The following RBMS3 variants were observed in gnomAD, a reference collection of about 807,000 sequenced individuals.
RBMS3 encodes the protein RNA binding motif single stranded interacting protein 3.
A neutral mutation model predicts 66.8 loss-of-function variants in RBMS3; 27 were observed. The ratio of observed to expected loss-of-function variants is 0.40; its 90% CI spans 0.30 to 0.56. The LOEUF (loss-of-function observed/expected upper bound fraction) is 0.56. RBMS3 is among the 20% of genes least tolerant of loss of function. RBMS3 has a pLI of 0.40. For missense variants in RBMS3, 513 were observed against 549.5 expected (o/e 0.93, Z 0.66); for synonymous variants, 188 against 183.0 (o/e 1.03, Z -0.22).
At chr3:29,425,657 A>G (rs1272881771) in intron 1 of RBMS3, among the ~76,000 whole-genome samples, 1 of 152,128 alleles carries the variant, frequency 6.6e-6, no homozygotes, top group Non-Finnish European at 1.5e-5. Context: ...AAAAATAAAT[A>G]AAAAATAGAG....
intron 3 of RBMS3, among the ~76,000 whole-genome samples, chr3:29,561,417 C>A (rs1576230889): frequency 6.6e-6 from 1 of 150,458 alleles, no homozygotes; most frequent in African/African-American, 2.5e-5. Flanking sequence ...CACAACCTTG[C>A]CAGCATCTGT....
rs746973682 is a variant in RBMS3, at chr3:29,780,629, CA to C, written c.637+17645del. 7.9e-5 allele frequency among the ~76,000 whole-genome samples: 12 copies of C among 152,090 alleles called. No individual in the cohort carries two copies. The East Asian group carries it at 1.9e-3, about 25-fold the overall frequency. On this transcript the variant is annotated intron_variant, in intron 6 of 14. Transcript: ENST00000383767. ...TAACTATCTAAATTGAATATTTTCC[CA>C]AAAACCAGTATCCTATCTGCACTTA...
At chr3:29,365,981 C>T (rs553215596) in intron 1 of RBMS3, among the ~76,000 whole-genome samples, 105 of 152,174 alleles carry the variant, frequency 6.9e-4, no homozygotes, top group African/African-American at 2.4e-3. Flanking sequence ...TGATTTTACT[C>T]ATTTGCTCTT....
At chr3:29,652,922 G>C (rs988277325) in intron 4 of RBMS3, among the ~76,000 whole-genome samples, 2 of 152,106 alleles carry the variant, frequency 1.3e-5, no homozygotes, top group South Asian at 4.1e-4. Context: ...AAGAAGGTTA[G>C]AAGAGACAAC....
intron 1 of RBMS3, among the ~76,000 whole-genome samples, chr3:29,394,368 T>A (rs1399549585): frequency 1.3e-5 from 2 of 152,178 alleles, no homozygotes; most frequent in Non-Finnish European, 2.9e-5. Flanking sequence ...GGTGCCCAGA[T>A]TTCATATTGT....
chr3:29,793,647 TG>T (rs1385535946), intron 6 of RBMS3, among the ~76,000 whole-genome samples: 2 of 152,252 alleles, frequency 1.3e-5, no homozygotes, highest in Admixed American at 6.5e-5. Context: ...TTTAGCCAGT[TG>T]TATCTTTAAC....
rs937569122 is a variant in RBMS3 at position 29,865,924 on chromosome 3, C to T, written c.638-2934C>T. On this transcript the variant is annotated intron_variant, in intron 6 of 14. Coordinates refer to ENST00000383767, the MANE Select transcript of RBMS3 (RefSeq NM_001003793.3). ...ACAACTGCAGGTGTGTGACCCGTAG[C>T]GAGCCACTAAACCATTCTGAATCTC... is the stretch of plus-strand genomic sequence containing the variant. 3.3e-5 allele frequency among the ~76,000 whole-genome samples: 5 copies of T among 151,976 alleles called. No individual in the cohort carries two copies. In the East Asian group the frequency reaches 9.7e-4, roughly 29 times the overall value.
chr3:29,892,230 G>T (rs1308722754), intron 8 of RBMS3, among the ~76,000 whole-genome samples: 1 of 151,488 alleles, frequency 6.6e-6, no homozygotes, highest in Non-Finnish European at 1.5e-5. Flanking sequence ...TCAAAGGCTA[G>T]CTTAGACTTC....
rs912321409 is a variant in RBMS3, at chr3:29,777,690, AT to A, written c.637+14708del. Among the ~76,000 whole-genome samples the A allele has an allele frequency of 5.7e-4, 86 of 151,970 alleles. 2 individuals are homozygous for A. The highest frequency in any genetic ancestry group is 8.8e-4 in the Non-Finnish European group (60 of 67,864). ...TTCTATTGCTACTTTCTCCAGATTA[AT>A]TTTTTTAAAGAGTATTGACCTATGG... On this transcript the variant is annotated intron_variant, in intron 6 of 14. Coordinates refer to ENST00000383767, the MANE Select transcript of RBMS3 (RefSeq NM_001003793.3).
intron 3 of RBMS3, 60 bp from the exon 4 acceptor site, chr3:29,587,054 A>T: frequency 7.8e-7 from 1 of 1,278,636 alleles, no homozygotes; most frequent in Non-Finnish European, 1.1e-6. Flanking sequence ...GTACTTCATC[A>T]GTGAAGATAG....
intron 1 of RBMS3, among the ~76,000 whole-genome samples, chr3:29,293,133 C>T (rs73832018): frequency 0.017 from 2,656 of 151,864 alleles, 91 homozygotes; most frequent in African/African-American, 0.06. Context: ...CTTCTTGATG[C>T]TTTTGATTGG....
intron 1 of RBMS3, among the ~76,000 whole-genome samples, chr3:29,400,462 C>G (rs557179960): frequency 6.6e-6 from 1 of 151,824 alleles, no homozygotes; most frequent in Admixed American, 6.6e-5. Context: ...TAAAGAGTTG[C>G]GACTCAGGAG....
At chr3:29,473,845 A>C (rs914666147) in intron 2 of RBMS3, among the ~76,000 whole-genome samples, 7 of 152,198 alleles carry the variant, frequency 4.6e-5, no homozygotes, top group Non-Finnish European at 8.8e-5. Context: ...GCTGTCCCGC[A>C]AGCGCCGCGC....
chr3:29,558,525 T>A (rs1221854473), intron 3 of RBMS3, among the ~76,000 whole-genome samples: 1 of 152,170 alleles, frequency 6.6e-6, no homozygotes, highest in African/African-American at 2.4e-5. Flanking sequence ...CCCCATAGAA[T>A]AACTTGTAAC....
chr3:29,453,806 G>C (rs13062965), intron 2 of RBMS3, among the ~76,000 whole-genome samples: 79,370 of 152,064 alleles, frequency 0.52, 21,073 homozygotes, highest in East Asian at 0.71. Flanking sequence ...ACGCTAGCCA[G>C]GGGTGATGAA....
At chr3:29,419,845 A>G (rs1180055617) in intron 1 of RBMS3, among the ~76,000 whole-genome samples, 1 of 152,164 alleles carries the variant, frequency 6.6e-6, no homozygotes, top group African/African-American at 2.4e-5. Flanking sequence ...ATTAAGACCC[A>G]TTTCCTGAAT....
chr3:29,951,811 T>A (rs1046640079), intron 12 of RBMS3, among the ~76,000 whole-genome samples: 1 of 151,546 alleles, frequency 6.6e-6, no homozygotes, highest in African/African-American at 2.4e-5. Flanking sequence ...GGTGAATTAA[T>A]ATAAATATAA....
At chr3:29,302,524 AATAT>A (rs2033748842) in intron 1 of RBMS3, among the ~76,000 whole-genome samples, 1 of 152,004 alleles carries the variant, frequency 6.6e-6, no homozygotes, top group Non-Finnish European at 1.5e-5. Flanking sequence ...TTGGAAAAAA[AATAT>A]ATATGTATAG....
chr3:29,891,035 A>G (rs1441649922), intron 8 of RBMS3, among the ~76,000 whole-genome samples: 1 of 151,538 alleles, frequency 6.6e-6, no homozygotes, highest in East Asian at 1.9e-4. Flanking sequence ...ATATTTTGTG[A>G]TCCTATGGAA....
Sources: allele counts gnomAD v4.1 joint callset (sites outside exome capture counted in the v4.1 genomes callset), GRCh38; gene constraint gnomAD v4.1.1; transcripts MANE v1.5; gene names NCBI Gene and HGNC (gene_info 2026-07-23, HGNC 2026-07-21).